Variants in EIF4B observed in about 807,000 individuals in gnomAD.
EIF4B encodes eukaryotic translation initiation factor 4B.
In EIF4B, 8 loss-of-function variants were observed where a neutral mutation model predicts 79.3. The ratio of observed to expected loss-of-function variants is 0.10; its 90% CI spans 0.06 to 0.18. The LOEUF (loss-of-function observed/expected upper bound fraction) is 0.18. Among genes scored for constraint, EIF4B ranks in the 10% least tolerant of loss-of-function variants. EIF4B has a pLI of 1.00. For missense variants in EIF4B, 515 were observed against 792.4 expected (o/e 0.65, Z 4.20); for synonymous variants, 238 against 274.7 (o/e 0.87, Z 1.32).
intron 8 of EIF4B, among the ~76,000 whole-genome samples, chr12:53,031,715 A>T (rs1396833259): frequency 6.6e-6 from 1 of 152,218 alleles, no homozygotes; most frequent in Non-Finnish European, 1.5e-5. Context: ...CCTCGTAGAA[A>T]ATTTAGATCT....
At chr12:53,026,655 G>A (rs1375832302) in intron 6 of EIF4B, among the ~76,000 whole-genome samples, 3 of 152,160 alleles carry the variant, frequency 2.0e-5, no homozygotes, top group African/African-American at 7.2e-5. Context: ...AGGCTGGAGT[G>A]CCTTGGCACA....
At chr12:53,010,505 A>G (rs1263212327) in intron 1 of EIF4B, among the ~76,000 whole-genome samples, 1 of 152,178 alleles carries the variant, frequency 6.6e-6, no homozygotes, top group Non-Finnish European at 1.5e-5. Flanking sequence ...ACATTGCATG[A>G]AATGTCTTTT....
chr12:53,019,475 G>C (rs1406134113), intron 3 of EIF4B, among the ~76,000 whole-genome samples: 1 of 4,698 alleles, frequency 2.1e-4, no homozygotes, highest in Non-Finnish European at 1.1e-3. Context: ...TTTTTTTTTT[G>C]AGACAGAGTC....
At chr12:53,016,443 G>A (rs1210772917) in intron 1 of EIF4B, 30 bp from the exon 2 acceptor site, 1 of 1,611,640 alleles carries the variant, frequency 6.2e-7, no homozygotes, top group South Asian at 1.1e-5. Flanking sequence ...GAGTATTGGT[G>A]AATAATCTTT....
chr12:53,016,886 TC>T (rs1943157339), intron 2 of EIF4B, among the ~76,000 whole-genome samples: 2 of 152,222 alleles, frequency 1.3e-5, no homozygotes, highest in South Asian at 4.1e-4. Context: ...CTCATTTTCT[TC>T]ATTTTAAAAG....
At chr12:53,023,377 C>T (rs1389336781) in intron 6 of EIF4B, among the ~76,000 whole-genome samples, 3 of 151,776 alleles carry the variant, frequency 2.0e-5, no homozygotes, top group East Asian at 3.9e-4. Context: ...GGACTACAGG[C>T]GCGCGCCACC....
At chr12:53,022,413 T>C (rs1406249421) in intron 5 of EIF4B, 80 bp from the exon 6 acceptor site, 1 of 1,584,688 alleles carries the variant, frequency 6.3e-7, no homozygotes, top group East Asian at 2.2e-5. Context: ...TAGGGTAAAA[T>C]GGGGGTTTTC....
Position 53,039,722 on chromosome 12 carries a change from C to T in EIF4B, c.1755+20C>T. ...GCTTCCGTAAGTGTTGAAGGCTGCTCCCAATTTTTCATTCTAAGAAAAATT... is the reference window on the plus strand; with the variant it reads ...GCTTCCGTAAGTGTTGAAGGCTGCTTCCAATTTTTCATTCTAAGAAAAATT... On this transcript the variant is annotated intron_variant, in intron 14 of 14. Transcript: ENST00000262056. 1 of 1,603,338 alleles carries T rather than the reference C, an allele frequency of 6.2e-7. No homozygotes were observed. The highest frequency in any genetic ancestry group is 8.5e-7 in the Non-Finnish European group (1 of 1,176,330).
At chr12:53,016,346 C>G in intron 1 of EIF4B, 127 bp from the exon 2 acceptor site, 1 of 1,271,146 alleles carries the variant, frequency 7.9e-7, no homozygotes, top group Non-Finnish European at 1.1e-6. Context: ...ATGGAAATGC[C>G]ATAATTTAAC....
chr12:53,023,877 C>T (rs1943291731), intron 6 of EIF4B, among the ~76,000 whole-genome samples: 1 of 152,160 alleles, frequency 6.6e-6, no homozygotes, highest in African/African-American at 2.4e-5. Flanking sequence ...GCCACTGCAC[C>T]TGGCCTAAAA....
rs780572506 is a variant in EIF4B, at chr12:53,040,216, C to T, written c.1829C>T (p.Ala610Val). The T allele has an allele frequency of 1.9e-6, 3 of 1,612,838 alleles. No individual in the cohort carries two copies. Among genetic ancestry groups the T allele is most frequent in the Non-Finnish European group, 2.5e-6 (3 of 1,179,130 alleles). Residue 610 changes from alanine to valine, a missense_variant, in exon 15 of 15, where the codon GCC becomes GTC. Transcript: ENST00000262056. ...GEDENEGEDY[A>V]E ...GATGAAAATGAGGGAGAAGATTATG[C>T]CGAATAGACCTCTACATCCTGTGCT...
At chr12:53,013,407 A>C (rs927970225) in intron 1 of EIF4B, 6 of 152,240 alleles carry the variant, frequency 3.9e-5, no homozygotes, top group African/African-American at 1.4e-4. Flanking sequence ...ATTAAATGAT[A>C]TGAAAAAGTC....
intron 6 of EIF4B, among the ~76,000 whole-genome samples, chr12:53,025,014 G>A (rs1943311341): frequency 6.6e-6 from 1 of 152,124 alleles, no homozygotes; most frequent in African/African-American, 2.4e-5. Flanking sequence ...AATTGGGGAA[G>A]CAGTAAGGGA....
intron 10 of EIF4B, among the ~76,000 whole-genome samples, chr12:53,036,558 G>A (rs568575474): frequency 8.6e-5 from 13 of 151,596 alleles, no homozygotes; most frequent in Admixed American, 3.9e-4. Flanking sequence ...ACGGGTGCAC[G>A]CAACCATGCC....
intron 4 of EIF4B, among the ~76,000 whole-genome samples, chr12:53,020,266 A>T (rs142104606): frequency 1.4e-3 from 216 of 152,288 alleles, no homozygotes; most frequent in African/African-American, 4.9e-3. Context: ...TGTGGAAGAA[A>T]CCCACCACAC....
Position 53,022,195 on chromosome 12 carries a change from A to T in EIF4B, c.533-298A>T. 1.8e-5 allele frequency: 12 copies of T among 669,126 alleles called. No individual in the cohort carries two copies. In the South Asian group the frequency reaches 1.8e-4, roughly 10 times the overall value. 41.4% of individuals were successfully genotyped at this position (669,126 alleles called of 1,614,324 possible). A position where few individuals can be genotyped will look rare whatever the true frequency, so the allele number is the denominator to read the frequency against. On this transcript the variant is annotated intron_variant, in intron 5 of 14. Coordinates refer to ENST00000262056, the MANE Select transcript of EIF4B (RefSeq NM_001417.7). ...GATGAACATTAAATAGATGATAAATAGATTAGCTGCCTAACAGCACGTTGG... is the reference window on the plus strand; with the variant it reads ...GATGAACATTAAATAGATGATAAATTGATTAGCTGCCTAACAGCACGTTGG...
intron 6 of EIF4B, among the ~76,000 whole-genome samples, chr12:53,027,137 A>ATT (rs71095967): frequency 0.02 from 521 of 25,764 alleles, 24 homozygotes; most frequent in African/African-American, 0.041. Context: ...AAAAAAAAAA[A>ATT]TTTTTTTTTT....
At position 53,024,408 on chromosome 12, in the gene EIF4B, G is replaced by A. The variant is rs149230570; in HGVS notation, c.667+1781G>A. ...AATACCATGTAGTATTAATGCATAA[G>A]TTGTAAAATTATAAAGCTACGCATG... is the stretch of plus-strand genomic sequence containing the variant. On this transcript the variant is annotated intron_variant, in intron 6 of 14. Transcript: ENST00000262056. Among the ~76,000 whole-genome samples the A allele has an allele frequency of 8.5e-3, 1,297 of 152,280 alleles. 7 individuals carry two copies. The highest frequency in any genetic ancestry group is 0.012 in the Non-Finnish European group (783 of 68,018).
At chr12:53,030,413 CTTTTTTTTTT>C (rs759061266) in intron 8 of EIF4B, among the ~76,000 whole-genome samples, 719 of 43,114 alleles carry the variant, frequency 0.017, 36 homozygotes, top group African/African-American at 0.035. Flanking sequence ...AAATTATATT[CTTTTTTTTTT>C]TTTTTTTTTT....
Sources: gnomAD v4.1 joint callset for allele counts (sites outside exome capture counted in the v4.1 genomes callset) on GRCh38, gnomAD v4.1.1 for gene constraint, MANE v1.5 for transcripts, NCBI Gene and HGNC (gene_info 2026-07-23, HGNC 2026-07-21) for gene names.